The following STPG2 variants were observed in gnomAD, a reference collection of about 807,000 sequenced individuals.
The protein encoded by STPG2 is sperm-tail PG-rich repeat-containing protein 2.
STPG2 carries 56 observed loss-of-function variants against 54.2 expected under a neutral mutation model. The ratio of observed to expected loss-of-function variants is 1.03; its 90% CI spans 0.83 to 1.29. The LOEUF is 1.29. Ranked by LOEUF, STPG2 falls within the 50% of genes most tolerant of loss-of-function variation. The pLI is 0.00. For synonymous variants in STPG2, 200 were observed against 181.8 expected (o/e 1.10, Z -0.81); for missense variants, 596 against 544.9 (o/e 1.09, Z -0.93).
At position 97,764,925 on chromosome 4, in the gene STPG2, T is replaced by C. The variant is rs541850471; in HGVS notation, c.1205-52111A>G. Among the ~76,000 whole-genome samples the C allele has an allele frequency of 2.6e-5, 4 of 152,228 alleles. No homozygotes were observed. The East Asian group carries it at 5.8e-4, about 22-fold the overall frequency. The stretch of plus-strand genomic sequence containing the variant: ...CAGAAAAAGGGGTGCTAGAACCTCC[T>C]CCATACAGAATGACTATGCAGGGCC... On this transcript the variant is annotated intron_variant, in intron 9 of 10. Transcript: ENST00000295268.
chr4:97,639,239 G>A (rs1009622338), intron 10 of STPG2, among the ~76,000 whole-genome samples: 12 of 151,626 alleles, frequency 7.9e-5, no homozygotes, highest in East Asian at 1.9e-4. Flanking sequence ...GTAAACTATC[G>A]CAAGAACAAA....
chr4:97,884,417 C>T (rs1011618749), intron 8 of STPG2, among the ~76,000 whole-genome samples: 4 of 152,010 alleles, frequency 2.6e-5, no homozygotes, highest in African/African-American at 9.7e-5. Context: ...AATTGAGATT[C>T]TTTTTATAAA....
chr4:97,688,689 A>G (rs1179934297), intron 10 of STPG2, among the ~76,000 whole-genome samples: 1 of 152,162 alleles, frequency 6.6e-6, no homozygotes, highest in Non-Finnish European at 1.5e-5. Context: ...TTCAGGTCAC[A>G]TGTTTCTCTG....
At chr4:98,112,265 T>G (rs6854902) in intron 3 of STPG2, among the ~76,000 whole-genome samples, 60,075 of 152,002 alleles carry the variant, frequency 0.4, 12,115 homozygotes, top group Middle Eastern at 0.46. Flanking sequence ...TTTAGATGTA[T>G]TTAGATACAC....
At chr4:97,903,753 G>A (rs915177205) in intron 8 of STPG2, among the ~76,000 whole-genome samples, 4 of 152,202 alleles carry the variant, frequency 2.6e-5, no homozygotes. Flanking sequence ...AACTGTGCAG[G>A]AGCCGAAGCA....
chr4:97,792,097 C>T (rs1727010382), intron 9 of STPG2, among the ~76,000 whole-genome samples: 1 of 152,128 alleles, frequency 6.6e-6, no homozygotes, highest in African/African-American at 2.4e-5. Context: ...AGTGGAATGA[C>T]TCTTTAAAGT....
chr4:97,940,368 C>A (rs926547397), intron 8 of STPG2, among the ~76,000 whole-genome samples: 2 of 152,172 alleles, frequency 1.3e-5, no homozygotes. Context: ...GGAAAGTAGT[C>A]ATGGATTATA....
intron 7 of STPG2, among the ~76,000 whole-genome samples, chr4:97,964,514 G>A (rs1194665633): frequency 6.6e-6 from 1 of 151,996 alleles, no homozygotes; most frequent in African/African-American, 2.4e-5. Context: ...ACTTATTTGA[G>A]CACACTTACA....
intron 9 of STPG2, among the ~76,000 whole-genome samples, chr4:97,831,453 A>G (rs1431735727): frequency 6.6e-6 from 1 of 152,184 alleles, no homozygotes; most frequent in African/African-American, 2.4e-5. Context: ...TAACCTCAAA[A>G]TTAAAAGAAC....
intron 8 of STPG2, among the ~76,000 whole-genome samples, chr4:97,908,294 G>C (rs1057216264): frequency 2.6e-5 from 4 of 151,974 alleles, no homozygotes; most frequent in Non-Finnish European, 5.9e-5. Context: ...TCAGAGAAAT[G>C]CAAATCAAAA....
intron 5 of STPG2, among the ~76,000 whole-genome samples, chr4:97,983,723 C>A (rs1230388231): frequency 6.6e-6 from 1 of 152,134 alleles, no homozygotes; most frequent in Non-Finnish European, 1.5e-5. Context: ...AAGATCTGGG[C>A]ACTTGATGTG....
intron 8 of STPG2, among the ~76,000 whole-genome samples, chr4:97,908,414 G>C (rs1357247981): frequency 6.7e-6 from 1 of 149,244 alleles, no homozygotes; most frequent in Admixed American, 6.6e-5. Context: ...TACGCTGTTG[G>C]TGGGACTGTA....
chr4:97,885,091 C>T lies in STPG2; in HGVS notation c.1045-44159G>A, dbSNP rs934890823. On this transcript the variant is annotated intron_variant, in intron 8 of 10. Coordinates refer to ENST00000295268, the MANE Select transcript of STPG2 (RefSeq NM_174952.3). The stretch of plus-strand genomic sequence containing the variant: ...AAAAAAATAGCTACTAAAGGTACTA[C>T]AGAAACGTAACGCTTAACATAGAAA... 3.3e-5 allele frequency among the ~76,000 whole-genome samples: 5 copies of T among 152,082 alleles called. 1 individual carries two copies. The South Asian group carries it at 8.3e-4, about 25-fold the overall frequency.
chr4:97,897,022 C>A (rs1033766885), intron 8 of STPG2, among the ~76,000 whole-genome samples: 2 of 151,774 alleles, frequency 1.3e-5, no homozygotes, highest in Non-Finnish European at 2.9e-5. Context: ...AAGCCTAGTA[C>A]CTATTAGTTA....
chr4:98,120,205 C>T (rs1392153689), intron 3 of STPG2, among the ~76,000 whole-genome samples: 1 of 152,000 alleles, frequency 6.6e-6, no homozygotes, highest in African/African-American at 2.4e-5. Flanking sequence ...CTCAGCCTCC[C>T]GAGTAACTGG....
At chr4:97,559,154 T>C in intron 10 of STPG2, 37 bp from the exon 11 acceptor site, 1 of 1,364,106 alleles carries the variant, frequency 7.3e-7, no homozygotes, top group Non-Finnish European at 1.0e-6. Context: ...GAGGAAAACA[T>C]CTACTTACAA....
chr4:98,091,655 A>G (rs949757670), intron 5 of STPG2, among the ~76,000 whole-genome samples: 3 of 151,828 alleles, frequency 2.0e-5, no homozygotes, highest in East Asian at 3.9e-4. Context: ...CCTATTCATC[A>G]TCTTTCTATC....
rs1297974920 is a variant in STPG2, at chr4:98,020,163, A to G, written c.613-38845T>C. Among the ~76,000 whole-genome samples, 3 of 132,190 alleles carry G rather than the reference A, an allele frequency of 2.3e-5. 1 individual carries two copies. Among genetic ancestry groups the G allele is most frequent in the Non-Finnish European group, 5.0e-5 (3 of 60,366 alleles). The allele number at this position is 132,190 out of a possible 152,430, so 86.7% of individuals were successfully genotyped here. A position where few individuals can be genotyped will look rare whatever the true frequency, so the allele number is the denominator to read the frequency against. On this transcript the variant is annotated intron_variant, in intron 5 of 10. Transcript: ENST00000295268. ...GAGATTGGCTGTGGGTTTGTCATAG[A>G]TAGCTCTTATTATTTTGAGATATGT...
At chr4:97,903,910 A>G (rs1005427192) in intron 8 of STPG2, among the ~76,000 whole-genome samples, 2 of 152,208 alleles carry the variant, frequency 1.3e-5, no homozygotes, top group Admixed American at 1.3e-4. Flanking sequence ...AAAATGGCGC[A>G]CCACGAGATT....
Sources: allele counts gnomAD v4.1 joint callset (sites outside exome capture counted in the v4.1 genomes callset), GRCh38; gene constraint gnomAD v4.1.1; transcripts MANE v1.5; gene names NCBI Gene and HGNC (gene_info 2026-07-23, HGNC 2026-07-21).